The following PANK2 variants were observed in gnomAD, a reference collection of about 807,000 sequenced individuals.
PANK2 encodes the protein pantothenate kinase 2, also known as pantothenate kinase 2, mitochondrial.
In PANK2, 36 loss-of-function variants were observed where a neutral mutation model predicts 43.1. The ratio of observed to expected loss-of-function variants is 0.84; its 90% confidence interval spans 0.64 to 1.10. The LOEUF is 1.10. Among genes scored for constraint, PANK2 ranks in the 50% least tolerant of loss-of-function variants. The pLI, the probability that PANK2 is intolerant of heterozygous loss-of-function variation, is 0.00. For missense variants in PANK2, 576 were observed against 593.3 expected (o/e 0.97, Z 0.30); for synonymous variants, 281 against 238.2 (o/e 1.18, Z -1.66).
chr20:3,893,359 T>C (rs1251617291), intron 1 of PANK2, among the ~76,000 whole-genome samples: 2 of 152,216 alleles, frequency 1.3e-5, no homozygotes, highest in African/African-American at 4.8e-5. Flanking sequence ...CATTGCATGA[T>C]ATAGGTCTGC....
rs762350151 is a variant in PANK2, at chr20:3,889,772, C to G, written c.298+44C>G. On this transcript the variant is annotated intron_variant, in intron 1 of 6. Coordinates refer to ENST00000610179, the MANE Select transcript of PANK2 (RefSeq NM_001386393.1). ...GCCCTCCCGGCCCGCCCTGCCCCCC[C>G]TTCCGGCCCACCCTGTCCCCTTCCG... is the stretch of plus-strand genomic sequence containing the variant. 8.9e-6 allele frequency: 14 copies of G among 1,575,102 alleles called. No homozygotes were observed. In the South Asian group the frequency reaches 1.1e-4, roughly 13 times the overall value.
chr20:3,888,940 ACCAGC>A, upstream of PANK2: 1 of 596,320 alleles, frequency 1.7e-6, no homozygotes, highest in Non-Finnish European at 2.9e-6. Flanking sequence ...TCTGCCGACG[ACCAGC>A]GGCCAGACGC....
intron 1 of PANK2, among the ~76,000 whole-genome samples, chr20:3,901,796 T>C (rs1309348971): frequency 6.6e-6 from 1 of 152,084 alleles, no homozygotes; most frequent in Admixed American, 6.6e-5. Flanking sequence ...CCCTTACATA[T>C]GTGAAAATTG....
chr20:3,928,182 G>A lies in PANK2; in HGVS notation c.*4888G>A, dbSNP rs2090754797. 1 of 152,182 alleles carries A rather than the reference G, an allele frequency of 6.6e-6. No homozygotes were observed. The highest frequency in any genetic ancestry group is 1.5e-5 in the Non-Finnish European group (1 of 68,036). The allele number at this position is 152,182 out of a possible 1,614,324, so 9.4% of individuals were successfully genotyped here. A position where few individuals can be genotyped will look rare whatever the true frequency, so the allele number is the denominator to read the frequency against. On this transcript the variant is annotated 3_prime_UTR_variant, in exon 7 of 7. Coordinates refer to ENST00000610179, the MANE Select transcript of PANK2 (RefSeq NM_001386393.1). ...GCTTAAGAAATCTGTAACAGCTACA[G>A]GAAAAGACACACCCAGGGCCAGAGA...
At chr20:3,912,687 C>T (rs1302117964) in intron 4 of PANK2, 53 bp downstream of exon 4, 3 of 1,601,446 alleles carry the variant, frequency 1.9e-6, no homozygotes, top group Non-Finnish European at 2.6e-6. Context: ...CGCGGTGGCT[C>T]ATGCCTTTAA....
At chr20:3,902,059 G>C (rs2090310461) in intron 1 of PANK2, among the ~76,000 whole-genome samples, 1 of 151,816 alleles carries the variant, frequency 6.6e-6, no homozygotes, top group Non-Finnish European at 1.5e-5. Context: ...ACACTGTTCA[G>C]CCCTTAGAGT....
At chr20:3,899,303 C>G (rs547222472) in intron 1 of PANK2, among the ~76,000 whole-genome samples, 1 of 151,746 alleles carries the variant, frequency 6.6e-6, no homozygotes, top group African/African-American at 2.4e-5. Context: ...TCCCAAGTAG[C>G]TGGGATTACA....
intron 2 of PANK2, among the ~76,000 whole-genome samples, chr20:3,909,833 C>A (rs1054951674): frequency 2.6e-5 from 4 of 151,826 alleles, no homozygotes; most frequent in African/African-American, 9.7e-5. Flanking sequence ...ACCTTGTGAT[C>A]CACCTGTCTC....
rs2090677789 is a variant in PANK2, at chr20:3,923,426, A to G, written c.*132A>G. ...TGAGAAAGGACAGGTGTATTTTTCT[A>G]AGTCATCAAGATAAATCCTTAAGAA... is the stretch of plus-strand genomic sequence containing the variant. On this transcript the variant is annotated 3_prime_UTR_variant, in exon 7 of 7. Coordinates refer to ENST00000610179, the MANE Select transcript of PANK2 (RefSeq NM_001386393.1). 2 of 964,292 alleles carry G rather than the reference A, an allele frequency of 2.1e-6. No homozygotes were observed. The highest frequency in any genetic ancestry group is 3.3e-6 in the Non-Finnish European group (2 of 613,710). The allele number at this position is 964,292 out of a possible 1,614,324, so 59.7% of individuals were successfully genotyped here.
Position 3,905,253 on chromosome 20 carries a change from C to T in PANK2, c.299-2673C>T, listed in dbSNP as rs550547741. Among the ~76,000 whole-genome samples the T allele has an allele frequency of 2.0e-5, 3 of 152,244 alleles. No homozygotes were observed. In the South Asian group the frequency reaches 6.2e-4, roughly 32 times the overall value. On this transcript the variant is annotated intron_variant, in intron 1 of 6. Transcript: ENST00000610179. ...GATAGAATACCCCTACGTTCTCTCTCTCACCTTCATAGCTGATCCCAGTTT... is the reference window on the plus strand; with the variant it reads ...GATAGAATACCCCTACGTTCTCTCTTTCACCTTCATAGCTGATCCCAGTTT...
At chr20:3,917,459 CT>C in intron 5 of PANK2, 1 of 534,288 alleles carries the variant, frequency 1.9e-6, no homozygotes, top group Non-Finnish European at 3.8e-6. Context: ...GAGGGGTGCC[CT>C]CCTTGGCTCC....
intron 1 of PANK2, among the ~76,000 whole-genome samples, chr20:3,890,779 A>G (rs528008757): frequency 6.6e-6 from 1 of 152,342 alleles, no homozygotes; most frequent in South Asian, 2.1e-4. Context: ...GATTAAATGT[A>G]GTTCTATTTT....
In PANK2 at chr20:3,929,304, C is replaced by T. The variant is rs1394733716; in HGVS notation, c.*6010C>T. On this transcript the variant is annotated 3_prime_UTR_variant, in exon 7 of 7. Coordinates refer to ENST00000610179, the MANE Select transcript of PANK2 (RefSeq NM_001386393.1). ...CTGTAGACGCAGCTACAGACTGAGG[C>T]GGGAGGATCACTTGAGTCCAGGAAG... 2 of 152,158 alleles carry T rather than the reference C, an allele frequency of 1.3e-5. No individual in the cohort carries two copies. The highest frequency in any genetic ancestry group is 2.9e-5 in the Non-Finnish European group (2 of 68,112). 9.4% of individuals were successfully genotyped at this position (152,158 alleles called of 1,614,324 possible).
At chr20:3,918,908 T>C in intron 6 of PANK2, 112 bp downstream of exon 6, 3 of 1,570,932 alleles carry the variant, frequency 1.9e-6, no homozygotes, top group African/African-American at 1.4e-5. Flanking sequence ...GTGTTTCTTT[T>C]GTTTTTTGTT....
rs777624606 is a variant in PANK2 at position 3,910,691 on chromosome 20, C to T, written c.766C>T (p.Pro256Ser). 3.1e-6 allele frequency: 5 copies of T among 1,614,108 alleles called. No homozygotes were observed. The highest frequency in any genetic ancestry group is 4.2e-6 in the Non-Finnish European group (5 of 1,180,020). Residue 256 changes from proline to serine, a missense_variant, in exon 3 of 7, where the codon CCT becomes TCT. By Grantham distance (74) the Pro-to-Ser change is moderately conservative. Around this residue, in one of 2 missense-constraint regions of PANK2, gnomAD observed 544 missense variants for 528.9 expected, o/e 1.03. Coordinates refer to ENST00000610179, the MANE Select transcript of PANK2 (RefSeq NM_001386393.1). Reference sequence around the variant, plus strand: ...GTCACAGTGCTATTACTTTGAAAACCCTGCTGATTCTGAAAAGTGTCAGAA... The same window carrying T: ...GTCACAGTGCTATTACTTTGAAAACTCTGCTGATTCTGAAAAGTGTCAGAA...
At chr20:3,889,071 G>A (rs1283348622), upstream of PANK2, 19 of 1,507,352 alleles carry the variant, frequency 1.3e-5, no homozygotes, top group East Asian at 4.0e-4. Context: ...GCAGAGGCAT[G>A]CACAAGTGGG....
intron 1 of PANK2, among the ~76,000 whole-genome samples, chr20:3,898,168 A>T (rs1319100905): frequency 2.0e-5 from 3 of 150,686 alleles, no homozygotes; most frequent in African/African-American, 7.3e-5. Flanking sequence ...ATGGCCTATT[A>T]ATTTTACTGT....
chr20:3,903,243 G>A (rs889978849), intron 1 of PANK2, among the ~76,000 whole-genome samples: 3 of 151,298 alleles, frequency 2.0e-5, no homozygotes, highest in African/African-American at 7.3e-5. Context: ...CTCCTCCTGG[G>A]TTCAAGTGAT....
chr20:3,912,061 G>A (rs2090476041), intron 3 of PANK2, among the ~76,000 whole-genome samples: 1 of 152,200 alleles, frequency 6.6e-6, no homozygotes, highest in African/African-American at 2.4e-5. Flanking sequence ...GTTGCAGGAG[G>A]AGTATGTTTG....
Sources: gnomAD v4.1 joint callset for allele counts (sites outside exome capture counted in the v4.1 genomes callset) on GRCh38, gnomAD v4.1.1 for gene constraint, gnomAD v4.1.1 regional missense constraint, MANE v1.5 for transcripts, NCBI Gene and HGNC (gene_info 2026-07-23, HGNC 2026-07-21) for gene names.